ADAMTS3: variants seen among roughly 807,000 people sequenced by gnomAD.
ADAMTS3 encodes the protein ADAM metallopeptidase with thrombospondin type 1 motif 3.
A neutral mutation model predicts 129.0 loss-of-function variants in ADAMTS3; 73 were observed. That is an observed-to-expected ratio of 0.57 (90% confidence interval 0.47 to 0.69). The LOEUF is 0.69. Among genes scored for constraint, ADAMTS3 ranks in the 30% least tolerant of loss-of-function variants. ADAMTS3 has a pLI of 0.00. For synonymous variants in ADAMTS3, 477 were observed against 510.8 expected (o/e 0.93, Z 0.89); for missense variants, 1,457 against 1,514.5 (o/e 0.96, Z 0.63).
chr4:72,532,757 A>G (rs1277409951), intron 3 of ADAMTS3, among the ~76,000 whole-genome samples: 1 of 152,274 alleles, frequency 6.6e-6, no homozygotes, highest in East Asian at 1.9e-4. Context: ...ATGCTACTAC[A>G]CTGAATATTA....
At chr4:72,316,059 G>T in intron 10 of ADAMTS3, 88 bp from the exon 11 acceptor site, 2 of 667,252 alleles carry the variant, frequency 3.0e-6, no homozygotes, top group Non-Finnish European at 2.4e-6. Flanking sequence ...CTTCTGTCCT[G>T]TTTCTTGGAT....
chr4:72,286,652 G>A (rs1015948168), intron 21 of ADAMTS3, among the ~76,000 whole-genome samples: 1 of 152,100 alleles, frequency 6.6e-6, no homozygotes, highest in Admixed American at 6.6e-5. Context: ...ACTTCTTTAG[G>A]CCTGAGTCTT....
At chr4:72,478,807 C>T (rs1182936720) in intron 3 of ADAMTS3, among the ~76,000 whole-genome samples, 1 of 151,786 alleles carries the variant, frequency 6.6e-6, no homozygotes, top group Non-Finnish European at 1.5e-5. Flanking sequence ...TTGTCTCAGC[C>T]CAAAATCTCC....
At chr4:72,470,376 TACACAC>T (rs373903285) in intron 3 of ADAMTS3, among the ~76,000 whole-genome samples, 21 of 137,972 alleles carry the variant, frequency 1.5e-4, no homozygotes, top group African/African-American at 5.6e-4. Context: ...TATATATATA[TACACAC>T]ACACACACAC....
chr4:72,362,903 A>C (rs1720765358), intron 4 of ADAMTS3, among the ~76,000 whole-genome samples: 1 of 152,160 alleles, frequency 6.6e-6, no homozygotes. Context: ...AAGAGGGAGA[A>C]AAAAGATACT....
intron 3 of ADAMTS3, among the ~76,000 whole-genome samples, chr4:72,511,177 C>T (rs1338359394): frequency 2.0e-5 from 3 of 151,926 alleles, no homozygotes; most frequent in Admixed American, 6.6e-5. Context: ...GAAACTATTA[C>T]AAGGAAAGAT....
At chr4:72,340,336 T>TGTGA (rs1720104064) in intron 4 of ADAMTS3, among the ~76,000 whole-genome samples, 1 of 146,066 alleles carries the variant, frequency 6.8e-6, no homozygotes. Context: ...TGTGTGTGTG[T>TGTGA]GTATGTGTAT....
chr4:72,497,109 C>T (rs1388488923), intron 3 of ADAMTS3, among the ~76,000 whole-genome samples: 1 of 151,046 alleles, frequency 6.6e-6, no homozygotes, highest in Non-Finnish European at 1.5e-5. Flanking sequence ...AATATATCCA[C>T]TAATTAATAG....
chr4:72,486,188 A>G (rs1022237368), intron 3 of ADAMTS3, among the ~76,000 whole-genome samples: 2 of 152,174 alleles, frequency 1.3e-5, no homozygotes, highest in Admixed American at 1.3e-4. Flanking sequence ...TTTCTGTTTT[A>G]TAAATGAGGA....
intron 3 of ADAMTS3, among the ~76,000 whole-genome samples, chr4:72,477,035 T>C (rs1429505651): frequency 1.3e-5 from 2 of 152,118 alleles, no homozygotes; most frequent in Non-Finnish European, 2.9e-5. Flanking sequence ...CTTCCTCAAC[T>C]TGACAAAAAG....
intron 21 of ADAMTS3, among the ~76,000 whole-genome samples, chr4:72,285,613 T>C (rs980217988): frequency 2.0e-5 from 3 of 152,104 alleles, no homozygotes; most frequent in Non-Finnish European, 4.4e-5. Context: ...CACTTTGGCA[T>C]TGCAGAGTCC....
Position 72,291,091 on chromosome 4 carries a change from T to G in ADAMTS3, c.2724-29A>C, listed in dbSNP as rs756220510. The G allele has an allele frequency of 2.5e-6, 4 of 1,610,734 alleles. No homozygotes were observed. The South Asian group carries it at 4.4e-5, about 18-fold the overall frequency. On this transcript the variant is annotated intron_variant, in intron 19 of 21. Coordinates refer to ENST00000286657, the MANE Select transcript of ADAMTS3 (RefSeq NM_014243.3). ...TGGGTGCGGGGATTTAATATTGCAA[T>G]TATCACTGGTATGTATAGTGTACAC...
At chr4:72,420,252 T>C (rs577243604) in intron 3 of ADAMTS3, among the ~76,000 whole-genome samples, 1 of 152,240 alleles carries the variant, frequency 6.6e-6, no homozygotes, top group African/African-American at 2.4e-5. Flanking sequence ...CTCTCCGGCC[T>C]CATCTGCTCA....
In ADAMTS3 at chr4:72,283,535, G is replaced by A. The variant is rs1004898399; in HGVS notation, c.3219C>T (p.Ile1073=). The A allele has an allele frequency of 2.5e-6, 4 of 1,613,990 alleles. No individual in the cohort carries two copies. The highest frequency in any genetic ancestry group is 1.7e-5 in the Admixed American group (1 of 60,000). ...LEAAETHDDV[I]SNPSDLPRSL... is the part of the protein sequence containing the mutation. ...ATCTAGGGAGGTCACTAGGGTTAGA[G>A]ATGACATCATCATGAGTTTCAGCAG... Residue 1073 remains isoleucine (I), a synonymous_variant, in exon 22 of 22, where the codon ATC becomes ATT. Transcript: ENST00000286657.
At chr4:72,483,811 G>T (rs1316131297) in intron 3 of ADAMTS3, among the ~76,000 whole-genome samples, 2 of 152,164 alleles carry the variant, frequency 1.3e-5, no homozygotes, top group African/African-American at 4.8e-5. Flanking sequence ...GAGGTCAGGA[G>T]ATTGAGACCA....
chr4:72,309,286 G>A (rs766403755), intron 15 of ADAMTS3, 111 bp downstream of exon 15: 23 of 1,082,126 alleles, frequency 2.1e-5, no homozygotes, highest in Non-Finnish European at 2.9e-5. Flanking sequence ...TAAATCAGCA[G>A]CTAAATTTTG....
intron 3 of ADAMTS3, among the ~76,000 whole-genome samples, chr4:72,479,396 T>G (rs994609822): frequency 6.6e-6 from 1 of 152,136 alleles, no homozygotes; most frequent in African/African-American, 2.4e-5. Flanking sequence ...GCCACATATC[T>G]ACAACTATCT....
chr4:72,493,969 T>C (rs1042570892), intron 3 of ADAMTS3, among the ~76,000 whole-genome samples: 9 of 152,166 alleles, frequency 5.9e-5, no homozygotes, highest in Admixed American at 1.3e-4. Flanking sequence ...TTGTATGTGA[T>C]GAGTTGCTTT....
chr4:72,505,518 C>T (rs1159568680), intron 3 of ADAMTS3, among the ~76,000 whole-genome samples: 3 of 152,194 alleles, frequency 2.0e-5, no homozygotes, highest in Non-Finnish European at 2.9e-5. Context: ...GGGCTGACTC[C>T]TGGAAAGCAC....
Sources: allele counts gnomAD v4.1 joint callset (sites outside exome capture counted in the v4.1 genomes callset), GRCh38; gene constraint gnomAD v4.1.1; transcripts MANE v1.5; gene names NCBI Gene and HGNC (gene_info 2026-07-23, HGNC 2026-07-21).